Variants in CLSTN2 observed in about 807,000 individuals in gnomAD.
The protein encoded by CLSTN2 is calsyntenin 2, also known as calsyntenin-2.
CLSTN2 carries 48 observed loss-of-function variants against 101.2 expected under a neutral mutation model. That is an observed-to-expected ratio of 0.47 (90% CI 0.38 to 0.60). The LOEUF (loss-of-function observed/expected upper bound fraction) is 0.60, where lower values mean the gene tolerates loss of function less well. CLSTN2 is among the 20% of genes least tolerant of loss of function. CLSTN2 has a pLI of 0.00. For synonymous variants in CLSTN2, 481 were observed against 463.6 expected, an observed-to-expected ratio of 1.04 and a Z score of -0.48; for missense variants, 1,160 against 1,238.2, an observed-to-expected ratio of 0.94 and a Z score of 0.95.
At chr3:140,358,353 G>A (rs1173308160) in intron 2 of CLSTN2, among the ~76,000 whole-genome samples, 1 of 152,058 alleles carries the variant, frequency 6.6e-6, no homozygotes, top group African/African-American at 2.4e-5. Flanking sequence ...TGGTGACCTT[G>A]GGAAAGACTC....
At chr3:140,004,276 C>A (rs1304644798) in intron 1 of CLSTN2, among the ~76,000 whole-genome samples, 2 of 152,180 alleles carry the variant, frequency 1.3e-5, no homozygotes, top group Non-Finnish European at 2.9e-5. Flanking sequence ...AGAGAGATAG[C>A]TAATAAATTG....
chr3:139,994,805 T>G (rs149719359), intron 1 of CLSTN2, among the ~76,000 whole-genome samples: 458 of 152,334 alleles, frequency 3.0e-3, no homozygotes, highest in African/African-American at 0.011. Flanking sequence ...CCTCATATAC[T>G]GCTAGGCAGT....
chr3:140,256,436 G>T (rs1364107051), intron 2 of CLSTN2, among the ~76,000 whole-genome samples: 4 of 152,136 alleles, frequency 2.6e-5, no homozygotes, highest in Non-Finnish European at 5.9e-5. Context: ...CTTCACTGAG[G>T]TTTATAAAAG....
At chr3:140,369,192 C>A (rs1382663552) in intron 2 of CLSTN2, among the ~76,000 whole-genome samples, 2 of 152,110 alleles carry the variant, frequency 1.3e-5, no homozygotes, top group Admixed American at 6.5e-5. Flanking sequence ...ACATCTAAGA[C>A]CGATTGTTTA....
chr3:140,351,814 C>T (rs1322102206), intron 2 of CLSTN2, among the ~76,000 whole-genome samples: 5 of 149,270 alleles, frequency 3.3e-5, no homozygotes, highest in African/African-American at 9.9e-5. Flanking sequence ...TCTTAATAGG[C>T]TTAAAGCAAA....
intron 2 of CLSTN2, among the ~76,000 whole-genome samples, chr3:140,228,910 A>G (rs2086347354): frequency 6.6e-6 from 1 of 152,206 alleles, no homozygotes; most frequent in African/African-American, 2.4e-5. Context: ...GGAAGTCAAG[A>G]TGAGATTTGG....
chr3:140,277,269 T>C (rs1014651105), intron 2 of CLSTN2, among the ~76,000 whole-genome samples: 1 of 152,210 alleles, frequency 6.6e-6, no homozygotes, highest in African/African-American at 2.4e-5. Context: ...GATGATGAGA[T>C]AAATTGCAGG....
intron 1 of CLSTN2, among the ~76,000 whole-genome samples, chr3:140,172,664 G>T (rs965228978): frequency 6.6e-6 from 1 of 152,190 alleles, no homozygotes; most frequent in Non-Finnish European, 1.5e-5. Flanking sequence ...AGGTTTAATT[G>T]GACTTACAGT....
chr3:140,050,240 G>A (rs927991825), intron 1 of CLSTN2, among the ~76,000 whole-genome samples: 1 of 152,160 alleles, frequency 6.6e-6, no homozygotes, highest in Non-Finnish European at 1.5e-5. Flanking sequence ...AGGGGTCAAC[G>A]CCATCTCTCC....
At chr3:140,461,504 C>T (rs1933562452) in intron 7 of CLSTN2, 3 of 152,120 alleles carry the variant, frequency 2.0e-5, no homozygotes, top group South Asian at 4.2e-4. Context: ...TTTCTGCTTA[C>T]AAAGGAGGAA....
intron 2 of CLSTN2, among the ~76,000 whole-genome samples, chr3:140,241,138 A>G (rs2086463326): frequency 6.6e-6 from 1 of 152,204 alleles, no homozygotes; most frequent in Admixed American, 6.5e-5. Flanking sequence ...AAAGAAAACA[A>G]GAAAAGAATA....
chr3:140,346,352 G>T (rs956002332), intron 2 of CLSTN2, among the ~76,000 whole-genome samples: 9 of 152,188 alleles, frequency 5.9e-5, no homozygotes, highest in African/African-American at 2.2e-4. Context: ...TAGCTAGAAT[G>T]AGAATGTATG....
At chr3:140,200,295 A>G (rs1032037074) in intron 2 of CLSTN2, among the ~76,000 whole-genome samples, 5 of 152,218 alleles carry the variant, frequency 3.3e-5, no homozygotes, top group African/African-American at 1.2e-4. Context: ...TACAGAACTT[A>G]GTGCCGTAAA....
chr3:140,077,483 G>A (rs749187217), intron 1 of CLSTN2, among the ~76,000 whole-genome samples: 33 of 152,134 alleles, frequency 2.2e-4, no homozygotes, highest in Non-Finnish European at 4.4e-5. Context: ...AGCTCTATTG[G>A]TGGTTCGGTT....
In CLSTN2 at chr3:140,404,625, A is replaced by C; in HGVS notation, c.496A>C (p.Lys166Gln). The change falls in exon 4 of 17, where the codon AAG (lysine) becomes CAG (glutamine). Residue 166 changes from lysine to glutamine, a missense_variant. By Grantham distance (53) the Lys-to-Gln change is moderately conservative. Coordinates refer to ENST00000458420, the MANE Select transcript of CLSTN2 (RefSeq NM_022131.3). ...TCCCACCTTCAAAGAGCCAGCCTAC[A>C]AGGCTGTTGTGACGGAGGGCAAGAT... ...FAPTFKEPAY[K>Q]AVVTEGKIYD... 1 of 1,614,206 alleles carries C rather than the reference A, an allele frequency of 6.2e-7. No individual in the cohort carries two copies. The highest frequency in any genetic ancestry group is 8.5e-7 in the Non-Finnish European group (1 of 1,180,036).
chr3:140,245,196 A>G (rs954226844), intron 2 of CLSTN2, among the ~76,000 whole-genome samples: 2 of 152,220 alleles, frequency 1.3e-5, no homozygotes, highest in African/African-American at 2.4e-5. Context: ...AGGGCTTAGT[A>G]GGTATTGAAG....
intron 2 of CLSTN2, among the ~76,000 whole-genome samples, chr3:140,223,076 C>T (rs2086289278): frequency 1.3e-5 from 2 of 152,274 alleles, no homozygotes; most frequent in East Asian, 1.9e-4. Context: ...GAAAGCTTGT[C>T]TTCTTAACCA....
Position 140,438,431 on chromosome 3 carries a change from TAAAAAAAAA to T in CLSTN2, c.788-10074_788-10066del, listed in dbSNP as rs60186664. On this transcript the variant is annotated intron_variant, in intron 5 of 16. Coordinates refer to ENST00000458420, the MANE Select transcript of CLSTN2 (RefSeq NM_022131.3). ...CCACCTAGGAAAATGGTCCTTTCAT[TAAAAAAAAA>T]AAAAAAAAAAAAAGCTTTGAAGCTG... Among the ~76,000 whole-genome samples, 258 of 45,696 alleles carry T rather than the reference TAAAAAAAAA, an allele frequency of 5.6e-3. 14 individuals carry two copies. Among genetic ancestry groups the T allele is most frequent in the African/African-American group, 0.03 (240 of 7,876 alleles). The allele number at this position is 45,696 out of a possible 152,430, so 30.0% of individuals were successfully genotyped here.
At chr3:140,119,369 G>A (rs1475456932) in intron 1 of CLSTN2, among the ~76,000 whole-genome samples, 2 of 152,182 alleles carry the variant, frequency 1.3e-5, no homozygotes, top group Admixed American at 1.3e-4. Context: ...CTTTACTTAG[G>A]CTAGGCTGCT....
Sources: gnomAD v4.1 joint callset for allele counts (sites outside exome capture counted in the v4.1 genomes callset) on GRCh38, gnomAD v4.1.1 for gene constraint, MANE v1.5 for transcripts, NCBI Gene and HGNC (gene_info 2026-07-23, HGNC 2026-07-21) for gene names.